The following NAV2 variants were observed in gnomAD, a reference collection of about 807,000 sequenced individuals.
NAV2 encodes neuron navigator 2.
NAV2 carries 54 observed loss-of-function variants against 223.2 expected under a neutral mutation model. That is an observed-to-expected ratio of 0.24 (90% CI 0.19 to 0.30). The LOEUF (loss-of-function observed/expected upper bound fraction) is 0.30, where lower values mean the gene tolerates loss of function less well. Among genes scored for constraint, NAV2 ranks in the 10% least tolerant of loss-of-function variants. NAV2 has a pLI of 1.00. For synonymous variants in NAV2, 1,279 were observed against 1,239.3 expected, an observed-to-expected ratio of 1.03 and a Z score of -0.67; for missense variants, 2,806 against 3,147.5, an observed-to-expected ratio of 0.89 and a Z score of 2.60.
At position 19,934,368 on chromosome 11, in the gene NAV2, T is replaced by G. The variant is rs770686750; in HGVS notation, c.2033+91T>G. ...GGGTCTGTAAGGGCAGAAGCTAGAC[T>G]GTGCTCCAGGAATACTTAAGTCAGT... On this transcript the variant is annotated intron_variant, in intron 7 of 37. Transcript: ENST00000349880. 311 of 1,398,592 alleles carry G rather than the reference T, an allele frequency of 2.2e-4. 1 individual carries two copies. The highest frequency in any genetic ancestry group is 1.6e-4 in the Non-Finnish European group (172 of 1,062,686). The allele number at this position is 1,398,592 out of a possible 1,614,324, so 86.6% of individuals were successfully genotyped here. A position where few individuals can be genotyped will look rare whatever the true frequency, so the allele number is the denominator to read the frequency against.
chr11:19,680,043 G>A (rs557181067), intron 1 of NAV2, among the ~76,000 whole-genome samples: 1 of 152,294 alleles, frequency 6.6e-6, no homozygotes, highest in South Asian at 2.1e-4. Flanking sequence ...ATCCCATTTG[G>A]CTGGAGGGTG....
chr11:19,798,271 C>G (rs1275738561), intron 1 of NAV2, among the ~76,000 whole-genome samples: 1 of 152,190 alleles, frequency 6.6e-6, no homozygotes, highest in Non-Finnish European at 1.5e-5. Context: ...TCTCACCTCA[C>G]CAAGAGAAGT....
At chr11:19,807,447 T>A (rs904226655) in intron 1 of NAV2, among the ~76,000 whole-genome samples, 1 of 152,234 alleles carries the variant, frequency 6.6e-6, no homozygotes, top group African/African-American at 2.4e-5. Flanking sequence ...TTGGGGCACA[T>A]TTAGGGTCCC....
At chr11:19,869,138 G>A (rs2062290581) in intron 4 of NAV2, 141 bp downstream of exon 4, 1 of 782,854 alleles carries the variant, frequency 1.3e-6, no homozygotes, top group Admixed American at 2.5e-5. Flanking sequence ...TTGCTCAGTG[G>A]TTGCCTAGAC....
chr11:19,552,182 G>A (rs996463442), intron 1 of NAV2, among the ~76,000 whole-genome samples: 2 of 152,190 alleles, frequency 1.3e-5, no homozygotes, highest in Non-Finnish European at 2.9e-5. Flanking sequence ...AGGGAGGGGC[G>A]GGGGAAAGGG....
At chr11:19,769,524 C>A (rs534588493) in intron 1 of NAV2, among the ~76,000 whole-genome samples, 1 of 152,122 alleles carries the variant, frequency 6.6e-6, no homozygotes, top group Non-Finnish European at 1.5e-5. Context: ...GTTTGTGGAC[C>A]AGACCCAGAG....
chr11:19,345,462 G>T, the NAV2 span, among the ~76,000 whole-genome samples: 1 of 152,232 alleles, frequency 6.6e-6, no homozygotes, highest in African/African-American at 2.4e-5. The surrounding 1 kb of genome is among the most constrained non-coding windows in gnomAD (Gnocchi z 5.2). Context: ...TCCAGAGCAG[G>T]GTGGGGACTG....
chr11:19,887,684 C>T (rs2041132631), intron 5 of NAV2, among the ~76,000 whole-genome samples: 1 of 152,124 alleles, frequency 6.6e-6, no homozygotes. Context: ...TCTAGAAAGT[C>T]CCACAGAATT....
chr11:19,869,625 G>A (rs1283838401), intron 4 of NAV2, among the ~76,000 whole-genome samples: 1 of 152,220 alleles, frequency 6.6e-6, no homozygotes, highest in African/African-American at 2.4e-5. Flanking sequence ...AAACTTTCAC[G>A]CTCTCTCCTG....
chr11:19,974,722 T>C (rs982383804), intron 10 of NAV2, among the ~76,000 whole-genome samples: 1 of 152,222 alleles, frequency 6.6e-6, no homozygotes, highest in African/African-American at 2.4e-5. Context: ...AGGACAGCAG[T>C]GTACAGTCTA....
At chr11:19,946,553 A>G (rs1222193068) in intron 9 of NAV2, 44 bp downstream of exon 9, 10 of 1,523,706 alleles carry the variant, frequency 6.6e-6, no homozygotes, top group Non-Finnish European at 9.0e-6. Flanking sequence ...CTGGTATCCT[A>G]ATTTTCTCCT....
intron 3 of NAV2, among the ~76,000 whole-genome samples, chr11:19,859,385 A>G (rs979587115): frequency 2.0e-5 from 3 of 150,278 alleles, no homozygotes; most frequent in Admixed American, 1.3e-4. Flanking sequence ...AACAAAGCAC[A>G]TCTTGCACCG....
intron 1 of NAV2, 138 bp downstream of exon 1, chr11:19,714,100 C>T (rs1565193355): frequency 3.1e-6 from 4 of 1,293,162 alleles, no homozygotes; most frequent in Non-Finnish European, 4.3e-6. Context: ...CTTAGGCCGG[C>T]AGGTTGGGGG....
intron 1 of NAV2, among the ~76,000 whole-genome samples, chr11:19,789,984 T>TGACC (rs747582759): frequency 1.3e-5 from 2 of 152,232 alleles, no homozygotes; most frequent in Non-Finnish European, 2.9e-5. Flanking sequence ...AAATGCTTTA[T>TGACC]GACCATTTTT....
chr11:19,931,439 G>A (rs527295998), intron 6 of NAV2, among the ~76,000 whole-genome samples: 4 of 152,312 alleles, frequency 2.6e-5, no homozygotes, highest in Non-Finnish European at 4.4e-5. Context: ...AGTGAAAGGA[G>A]GCAGTTCCTT....
intron 1 of NAV2, among the ~76,000 whole-genome samples, chr11:19,464,354 AAGTTTCTCGTTAATAAGCTTTAG>A (rs1852272888): frequency 6.6e-6 from 1 of 152,040 alleles, no homozygotes; most frequent in Non-Finnish European, 1.5e-5. Flanking sequence ...TTAGCTGCAG[AAGTTTCTCGTTAATAAGCTTTAG>A]AGTTTCAGGA....
rs145450929 is a variant in NAV2 at position 19,453,195 on chromosome 11, T to C, written c.75+102168T>C. Among the ~76,000 whole-genome samples, 1,109 of 152,310 alleles carry C rather than the reference T, an allele frequency of 7.3e-3. 5 individuals carry two copies. The highest frequency in any genetic ancestry group is 0.01 in the Non-Finnish European group (712 of 68,028). Reference sequence around the variant, plus strand: ...CAATTTAGACAGCAGACACCTCGTGTTTTTTGTGCCCTGTAGATCCCCAGT... The same window carrying C: ...CAATTTAGACAGCAGACACCTCGTGCTTTTTGTGCCCTGTAGATCCCCAGT... On this transcript the variant is annotated intron_variant, in intron 1 of 37. Coordinates refer to the NAV2 transcript ENST00000360655.
intron 1 of NAV2, among the ~76,000 whole-genome samples, chr11:19,814,804 A>G (rs2059008011): frequency 6.6e-6 from 1 of 152,150 alleles, no homozygotes; most frequent in South Asian, 2.1e-4. Flanking sequence ...CAATGGCTTT[A>G]TGACAGAGAG....
intron 34 of NAV2, 149 bp downstream of exon 34, chr11:20,103,873 T>G: frequency 1.3e-6 from 1 of 741,844 alleles, no homozygotes; most frequent in Non-Finnish European, 2.3e-6. Flanking sequence ...TAATTTTAAC[T>G]TCAGCCTCAA....
Sources: gnomAD v4.1 joint callset for allele counts (sites outside exome capture counted in the v4.1 genomes callset) on GRCh38, gnomAD v4.1.1 for gene constraint, Gnocchi (gnomAD v3.1) non-coding constraint, MANE v1.5 for transcripts, NCBI Gene and HGNC (gene_info 2026-07-23, HGNC 2026-07-21) for gene names.